Variants in EYA1 observed in about 807,000 individuals in gnomAD.
EYA1 encodes EYA transcriptional coactivator and phosphatase 1, also known as protein phosphatase EYA1.
In EYA1, 16 loss-of-function variants were observed where a neutral mutation model predicts 82.0. That is an observed-to-expected ratio of 0.20 (90% CI 0.13 to 0.30). The LOEUF is 0.30. Among genes scored for constraint, EYA1 ranks in the 10% least tolerant of loss-of-function variants. EYA1 has a pLI of 1.00. For synonymous variants in EYA1, 261 were observed against 264.4 expected, an observed-to-expected ratio of 0.99 and a Z score of 0.12; for missense variants, 633 against 730.7, an observed-to-expected ratio of 0.87 and a Z score of 1.54.
rs141238463 is a variant in EYA1 at position 71,277,758 on chromosome 8, A to G, written c.827-5861T>C. Reference sequence around the variant, plus strand: ...GGTAAGTGTCTAGAGTGCAAGGCAAACATTAAAAAATTGATGATTAGAAAA... The same window carrying G: ...GGTAAGTGTCTAGAGTGCAAGGCAAGCATTAAAAAATTGATGATTAGAAAA... On this transcript the variant is annotated intron_variant, in intron 9 of 17. Coordinates refer to ENST00000340726, the MANE Select transcript of EYA1 (RefSeq NM_000503.6). Among the ~76,000 whole-genome samples, 478 of 152,294 alleles carry G rather than the reference A, an allele frequency of 3.1e-3. 5 individuals carry two copies. The highest frequency in any genetic ancestry group is 0.011 in the African/African-American group (446 of 41,566).
At chr8:71,513,696 T>C (rs1264793012) in intron 2 of EYA1, among the ~76,000 whole-genome samples, 1 of 152,116 alleles carries the variant, frequency 6.6e-6, no homozygotes, top group Non-Finnish European at 1.5e-5. Context: ...TAGTAGATCT[T>C]ATTCATTCTT....
intron 2 of EYA1, among the ~76,000 whole-genome samples, chr8:71,484,242 G>A (rs1445483731): frequency 6.6e-6 from 1 of 152,228 alleles, no homozygotes; most frequent in Non-Finnish European, 1.5e-5. Flanking sequence ...TTTAGAATAA[G>A]CATAGTCTGT....
chr8:71,430,561 T>C (rs1805541949), intron 2 of EYA1, among the ~76,000 whole-genome samples: 1 of 152,224 alleles, frequency 6.6e-6, no homozygotes, highest in East Asian at 1.9e-4. Flanking sequence ...GACAGTGCCC[T>C]GCATCATCAC....
intron 2 of EYA1, among the ~76,000 whole-genome samples, chr8:71,530,126 T>A (rs1160042283): frequency 1.3e-5 from 2 of 152,138 alleles, no homozygotes; most frequent in Non-Finnish European, 2.9e-5. Context: ...TAAGATGAGG[T>A]CATTAAGATA....
intron 2 of EYA1, among the ~76,000 whole-genome samples, chr8:71,414,278 G>A (rs1049078348): frequency 6.6e-6 from 1 of 152,124 alleles, no homozygotes; most frequent in African/African-American, 2.4e-5. Flanking sequence ...CTCTCCCAGT[G>A]GCTCTCCAAG....
intron 2 of EYA1, among the ~76,000 whole-genome samples, chr8:71,490,088 G>A (rs933076449): frequency 6.6e-4 from 100 of 152,170 alleles, no homozygotes; most frequent in Non-Finnish European, 2.5e-4. Flanking sequence ...CTAAACTACT[G>A]GCAAGAATTT....
At chr8:71,485,038 A>G (rs1451864112) in intron 2 of EYA1, among the ~76,000 whole-genome samples, 2 of 152,248 alleles carry the variant, frequency 1.3e-5, no homozygotes, top group African/African-American at 4.8e-5. Flanking sequence ...GCAGGACTAG[A>G]GTCCAAGGAC....
At chr8:71,244,558 C>T (rs770058771) in intron 12 of EYA1, 45 bp downstream of exon 12, 17 of 958,746 alleles carry the variant, frequency 1.8e-5, no homozygotes, top group East Asian at 2.6e-5. Flanking sequence ...AACCAATCAC[C>T]TATTTTCAGA....
intron 2 of EYA1, among the ~76,000 whole-genome samples, chr8:71,447,093 T>C (rs1396418485): frequency 1.3e-5 from 2 of 149,728 alleles, no homozygotes; most frequent in African/African-American, 2.4e-5. Context: ...TATATATATA[T>C]ATATATATAT....
chr8:71,222,762 C>CGATGCTGAT (rs1810091492), intron 12 of EYA1, among the ~76,000 whole-genome samples: 1 of 152,216 alleles, frequency 6.6e-6, no homozygotes, highest in East Asian at 1.9e-4. Flanking sequence ...ATAAATGCTG[C>CGATGCTGAT]GATGCTGATG....
At chr8:71,463,955 G>C (rs1808597572) in intron 2 of EYA1, among the ~76,000 whole-genome samples, 1 of 152,080 alleles carries the variant, frequency 6.6e-6, no homozygotes, top group South Asian at 2.1e-4. Flanking sequence ...AGCTAAAGGA[G>C]AGTAAGGACT....
At chr8:71,202,679 A>T (rs914355230) in intron 17 of EYA1, among the ~76,000 whole-genome samples, 6 of 152,228 alleles carry the variant, frequency 3.9e-5, no homozygotes, top group Non-Finnish European at 8.8e-5. Flanking sequence ...GGTGTACATG[A>T]AAGAAAACTG....
intron 11 of EYA1, among the ~76,000 whole-genome samples, chr8:71,269,466 C>T (rs575784954): frequency 6.6e-6 from 1 of 152,248 alleles, no homozygotes; most frequent in East Asian, 1.9e-4. Context: ...AATATTTCAT[C>T]CTAGGATAAA....
At chr8:71,533,318 T>C (rs1330367790) in intron 2 of EYA1, among the ~76,000 whole-genome samples, 2 of 152,178 alleles carry the variant, frequency 1.3e-5, no homozygotes, top group Non-Finnish European at 2.9e-5. Flanking sequence ...CTTTCAGTGG[T>C]GGTATGACGA....
At chr8:71,314,975 C>G (rs890747508) in intron 7 of EYA1, among the ~76,000 whole-genome samples, 3 of 139,308 alleles carry the variant, frequency 2.2e-5, no homozygotes, top group Non-Finnish European at 3.1e-5. Flanking sequence ...TCCTTTTCTA[C>G]TCATTCATTT....
chr8:71,288,398 T>C (rs900166190), intron 9 of EYA1, among the ~76,000 whole-genome samples: 14 of 152,210 alleles, frequency 9.2e-5, no homozygotes, highest in Non-Finnish European at 2.1e-4. Context: ...TACACCCTTC[T>C]GTCTCCCAAG....
At chr8:71,370,679 T>C (rs1021544093) in intron 2 of EYA1, among the ~76,000 whole-genome samples, 3 of 152,142 alleles carry the variant, frequency 2.0e-5, no homozygotes, top group Non-Finnish European at 4.4e-5. Flanking sequence ...TGGGATGCAG[T>C]GATGCAATCA....
chr8:71,352,135 G>T (rs1476491561), intron 3 of EYA1, among the ~76,000 whole-genome samples: 1 of 152,058 alleles, frequency 6.6e-6, no homozygotes, highest in Non-Finnish European at 1.5e-5. Flanking sequence ...TAATTCATCG[G>T]TAAACACTGC....
chr8:71,200,698 G>A (rs988908149), intron 17 of EYA1, among the ~76,000 whole-genome samples: 1 of 152,110 alleles, frequency 6.6e-6, no homozygotes, highest in Non-Finnish European at 1.5e-5. Context: ...AGCACACTGT[G>A]TCAGGTGTAG....
Sources: allele counts gnomAD v4.1 joint callset (sites outside exome capture counted in the v4.1 genomes callset), GRCh38; gene constraint gnomAD v4.1.1; transcripts MANE v1.5; gene names NCBI Gene and HGNC (gene_info 2026-07-23, HGNC 2026-07-21).